The following SLC13A3 variants were observed in gnomAD, a reference collection of about 807,000 sequenced individuals.
The protein encoded by SLC13A3 is solute carrier family 13 member 3.
Under a neutral mutation model 59.0 loss-of-function variants are expected in SLC13A3, and 40 were observed. The observed-to-expected ratio is 0.68, with a 90% CI of 0.53 to 0.88. The LOEUF (loss-of-function observed/expected upper bound fraction) is 0.88. Among genes scored for constraint, SLC13A3 ranks in the 40% least tolerant of loss-of-function variants. The probability of loss-of-function intolerance (pLI) is 0.00; values close to 1 mark genes in which losing one functional copy is unlikely to be tolerated. For missense variants in SLC13A3, 699 were observed against 783.2 expected (o/e 0.89, Z 1.28); for synonymous variants, 317 against 330.3 (o/e 0.96, Z 0.44).
intron 8 of SLC13A3, chr20:46,585,066 C>G (rs1377402597): frequency 1.2e-6 from 1 of 847,390 alleles, no homozygotes; most frequent in African/African-American, 1.8e-5. Flanking sequence ...TTAAATAAAT[C>G]AAAGTGCTCC....
At chr20:46,676,792 A>G (rs1301895690) in intron 1 of SLC13A3, among the ~76,000 whole-genome samples, 1 of 152,174 alleles carries the variant, frequency 6.6e-6, no homozygotes, top group African/African-American at 2.4e-5. Flanking sequence ...GGCTGCGTGG[A>G]AACAGTGGGG....
chr20:46,606,273 C>T (rs1223652416), intron 3 of SLC13A3, among the ~76,000 whole-genome samples: 1 of 152,192 alleles, frequency 6.6e-6, no homozygotes, highest in East Asian at 1.9e-4. Flanking sequence ...CTGGAAGTCT[C>T]ATAGGTAGTT....
chr20:46,640,892 C>T (rs1023299537), intron 1 of SLC13A3, among the ~76,000 whole-genome samples: 1 of 152,196 alleles, frequency 6.6e-6, no homozygotes, highest in African/African-American at 2.4e-5. Flanking sequence ...CACGATCTTG[C>T]TCCCTGCTGC....
intron 8 of SLC13A3, chr20:46,583,966 G>A (rs1055149320): frequency 1.0e-6 from 1 of 985,272 alleles, no homozygotes; most frequent in African/African-American, 1.7e-5. Context: ...GAGGGCCGCA[G>A]AATATTGGAG....
chr20:46,569,450 C>A (rs2062010836), intron 10 of SLC13A3, among the ~76,000 whole-genome samples: 1 of 152,182 alleles, frequency 6.6e-6, no homozygotes, highest in South Asian at 2.1e-4. Flanking sequence ...GAGTTTGCTT[C>A]CCAGCTTAAT....
intron 2 of SLC13A3, among the ~76,000 whole-genome samples, chr20:46,611,251 T>C (rs16991616): frequency 0.04 from 6,022 of 152,288 alleles, 417 homozygotes; most frequent in African/African-American, 0.13. Context: ...TATAGATTTA[T>C]TCTGTTTCAA....
intron 1 of SLC13A3, among the ~76,000 whole-genome samples, chr20:46,631,644 C>T (rs935651848): frequency 6.6e-6 from 1 of 152,094 alleles, no homozygotes; most frequent in Non-Finnish European, 1.5e-5. Flanking sequence ...CCACCCAACC[C>T]ATACATAATC....
At chr20:46,599,587 G>A (rs2062352068) in intron 4 of SLC13A3, among the ~76,000 whole-genome samples, 1 of 152,032 alleles carries the variant, frequency 6.6e-6, no homozygotes, top group Non-Finnish European at 1.5e-5. Context: ...GTGAAGGGCT[G>A]TTATTGTTTT....
rs776103257 is a variant in SLC13A3 at position 46,566,187 on chromosome 20, T to C, written c.1494+42A>G. 30 of 1,564,386 alleles carry C rather than the reference T, an allele frequency of 1.9e-5. No homozygotes were observed. The Admixed American group carries it at 4.0e-4, about 21-fold the overall frequency. Reference sequence around the variant, plus strand: ...GCGGGGGAAGATTTCTGAATGTGTGTTGGGGGAGGGGTGCTCCCCTCTTCC... The same window carrying C: ...GCGGGGGAAGATTTCTGAATGTGTGCTGGGGGAGGGGTGCTCCCCTCTTCC... On this transcript the variant is annotated intron_variant, in intron 11 of 12. Transcript: ENST00000279027.
chr20:46,627,283 C>A (rs770141688), intron 1 of SLC13A3, among the ~76,000 whole-genome samples: 14 of 152,168 alleles, frequency 9.2e-5, no homozygotes, highest in Admixed American at 2.0e-4. Context: ...CACGTTTTCT[C>A]AAGTCTGATT....
At chr20:46,563,357 GC>G in intron 12 of SLC13A3, 56 bp downstream of exon 12, 2 of 1,578,390 alleles carry the variant, frequency 1.3e-6, no homozygotes, top group Non-Finnish European at 8.6e-7. Context: ...GGCCTTGCCC[GC>G]CCCCTTGCGG....
intron 1 of SLC13A3, among the ~76,000 whole-genome samples, chr20:46,675,218 T>C (rs1022764266): frequency 1.3e-5 from 2 of 151,484 alleles, no homozygotes; most frequent in Non-Finnish European, 2.9e-5. Context: ...GGTTTTCCTT[T>C]TTTTCTTTTC....
chr20:46,669,788 A>T (rs1432170427), intron 1 of SLC13A3, among the ~76,000 whole-genome samples: 1 of 152,218 alleles, frequency 6.6e-6, no homozygotes, highest in Non-Finnish European at 1.5e-5. Context: ...AGACCATTAT[A>T]CAGACATTTC....
chr20:46,638,442 G>A (rs578008232), intron 1 of SLC13A3, among the ~76,000 whole-genome samples: 4 of 152,234 alleles, frequency 2.6e-5, no homozygotes, highest in South Asian at 2.1e-4. Flanking sequence ...GGGCGGCGGC[G>A]AACAAGGGCC....
rs56802241 is a variant in SLC13A3, at chr20:46,591,164, C to CTAAATAAATAAA, written c.920+1228_920+1239dup. Among the ~76,000 whole-genome samples, 706 of 149,060 alleles carry CTAAATAAATAAA rather than the reference C, an allele frequency of 4.7e-3. 6 individuals carry two copies. The highest frequency in any genetic ancestry group is 0.015 in the African/African-American group (615 of 40,402). On this transcript the variant is annotated intron_variant, in intron 6 of 12. Coordinates refer to ENST00000279027, the MANE Select transcript of SLC13A3 (RefSeq NM_022829.6). Reference sequence around the variant, plus strand: ...CCTGGGTGACAGAATGAGACTTTGTCTAAATAAATAAATAAATAAATAAAT... The same window carrying CTAAATAAATAAA: ...CCTGGGTGACAGAATGAGACTTTGTCTAAATAAATAAATAAATAAATAAATAAATAAATAAAT...
chr20:46,682,594 G>A (rs1348989405), intron 1 of SLC13A3, among the ~76,000 whole-genome samples: 1 of 152,040 alleles, frequency 6.6e-6, no homozygotes. Context: ...TGAGTGGCCT[G>A]GGGCAGGACT....
intron 1 of SLC13A3, among the ~76,000 whole-genome samples, chr20:46,668,427 A>G (rs149271037): frequency 9.1e-4 from 139 of 152,360 alleles, no homozygotes; most frequent in African/African-American, 3.2e-3. Flanking sequence ...CAACATTCCC[A>G]AGCCAAAGCC....
intron 1 of SLC13A3, among the ~76,000 whole-genome samples, chr20:46,650,257 A>G (rs2062939461): frequency 6.6e-6 from 1 of 152,074 alleles, no homozygotes; most frequent in African/African-American, 2.4e-5. Flanking sequence ...GGGGAGACTG[A>G]AAACAGCTAG....
upstream of SLC13A3, chr20:46,651,568 C>T (rs2062952666): frequency 3.8e-6 from 5 of 1,306,674 alleles, no homozygotes; most frequent in Non-Finnish European, 3.9e-6. Context: ...AGGGTGGTGC[C>T]TGCGCCCCTG....
Sources: allele counts gnomAD v4.1 joint callset (sites outside exome capture counted in the v4.1 genomes callset), GRCh38; gene constraint gnomAD v4.1.1; transcripts MANE v1.5; gene names NCBI Gene and HGNC (gene_info 2026-07-23, HGNC 2026-07-21).